The following ANO10 variants were observed in gnomAD, a reference collection of about 807,000 sequenced individuals.
ANO10 encodes the protein anoctamin 10.
ANO10 carries 77 observed loss-of-function variants against 74.7 expected under a neutral mutation model. The ratio of observed to expected loss-of-function variants is 1.03; its 90% CI spans 0.86 to 1.25. The LOEUF (loss-of-function observed/expected upper bound fraction) is 1.25. Ranked by LOEUF, ANO10 falls within the 50% of genes most tolerant of loss-of-function variation. The pLI, the probability that ANO10 is intolerant of heterozygous loss-of-function variation, is 0.00. For missense variants in ANO10, 721 were observed against 778.1 expected (o/e 0.93, Z 0.87); for synonymous variants, 279 against 284.9 (o/e 0.98, Z 0.21).
At chr3:43,679,467 C>G (rs1022283743) in intron 1 of ANO10, among the ~76,000 whole-genome samples, 1 of 152,300 alleles carries the variant, frequency 6.6e-6, no homozygotes, top group Non-Finnish European at 1.5e-5. Flanking sequence ...TAGAGCCCAC[C>G]ACAGCTCAAG....
chr3:43,600,656 T>C (rs2082301043), intron 2 of ANO10, 75 bp from the exon 3 acceptor site: 3 of 1,257,688 alleles, frequency 2.4e-6, no homozygotes, highest in Non-Finnish European at 3.4e-6. Context: ...TAAATAAATA[T>C]AATGTTTCTA....
intron 12 of ANO10, among the ~76,000 whole-genome samples, chr3:43,425,033 G>A (rs1208762420): frequency 6.6e-6 from 1 of 152,052 alleles, no homozygotes; most frequent in Non-Finnish European, 1.5e-5. Context: ...GTGGCTATTG[G>A]CTTTGTTAGA....
At chr3:43,607,595 A>T (rs1009145679) in intron 1 of ANO10, among the ~76,000 whole-genome samples, 1 of 152,206 alleles carries the variant, frequency 6.6e-6, no homozygotes. Flanking sequence ...ATAATAGTGA[A>T]GGAGAATTAG....
At chr3:43,507,349 C>T (rs933136343) in intron 11 of ANO10, among the ~76,000 whole-genome samples, 11 of 151,974 alleles carry the variant, frequency 7.2e-5, no homozygotes, top group African/African-American at 2.7e-4. Flanking sequence ...AAGTGTTCAG[C>T]GAGGCTCAGG....
intron 11 of ANO10, among the ~76,000 whole-genome samples, chr3:43,515,987 C>T (rs954185989): frequency 1.3e-5 from 2 of 152,132 alleles, no homozygotes; most frequent in Admixed American, 6.5e-5. Context: ...CTCAAAACGA[C>T]GTAGAGAGGC....
intron 1 of ANO10, among the ~76,000 whole-genome samples, chr3:43,628,521 G>A (rs1193500114): frequency 6.6e-6 from 1 of 152,136 alleles, no homozygotes; most frequent in African/African-American, 2.4e-5. Flanking sequence ...CTTGAAAAAA[G>A]AACAGGATAA....
At chr3:43,411,114 T>C (rs755888077) in intron 12 of ANO10, among the ~76,000 whole-genome samples, 4 of 152,156 alleles carry the variant, frequency 2.6e-5, no homozygotes, top group Non-Finnish European at 5.9e-5. Flanking sequence ...GTCTACAGCC[T>C]TAGGCATTAT....
intron 11 of ANO10, among the ~76,000 whole-genome samples, chr3:43,459,307 T>A (rs2075278967): frequency 6.6e-6 from 1 of 152,132 alleles, no homozygotes; most frequent in South Asian, 2.1e-4. Context: ...GTGCTCAGAT[T>A]CCATTTCTAC....
chr3:43,391,770 C>T (rs2092279942), intron 12 of ANO10, among the ~76,000 whole-genome samples: 1 of 152,136 alleles, frequency 6.6e-6, no homozygotes. Flanking sequence ...GAAATGGATC[C>T]TCCCTAAGGT....
chr3:43,425,841 G>A (rs1277531553), intron 12 of ANO10, among the ~76,000 whole-genome samples: 1 of 152,176 alleles, frequency 6.6e-6, no homozygotes, highest in Non-Finnish European at 1.5e-5. Flanking sequence ...TGCGTCTGTA[G>A]AGAATATCCA....
chr3:43,644,084 T>TTTTGTTTG (rs377459865), intron 1 of ANO10, among the ~76,000 whole-genome samples: 9 of 152,060 alleles, frequency 5.9e-5, no homozygotes, highest in African/African-American at 1.5e-4. Context: ...TCCCTGATTT[T>TTTTGTTTG]TTTGTTTGTT....
At chr3:43,588,415 G>T (rs1055598404) in intron 4 of ANO10, among the ~76,000 whole-genome samples, 5 of 151,872 alleles carry the variant, frequency 3.3e-5, no homozygotes, top group African/African-American at 9.7e-5. Context: ...TGGGAAAAAA[G>T]ATGGCATAGC....
At chr3:43,537,899 T>G (rs1325908532) in intron 11 of ANO10, among the ~76,000 whole-genome samples, 1 of 152,118 alleles carries the variant, frequency 6.6e-6, no homozygotes. Flanking sequence ...TAATCCAGTC[T>G]TAGCCACATG....
chr3:43,537,275 C>A (rs1236344510), intron 11 of ANO10, among the ~76,000 whole-genome samples: 3 of 152,140 alleles, frequency 2.0e-5, no homozygotes, highest in African/African-American at 7.2e-5. Flanking sequence ...CCTTTTCCAG[C>A]ATAAAAGAAT....
intron 11 of ANO10, among the ~76,000 whole-genome samples, chr3:43,508,759 A>G (rs1240870102): frequency 6.6e-6 from 1 of 151,262 alleles, no homozygotes; most frequent in African/African-American, 2.4e-5. Context: ...ACACCTGGAC[A>G]CAGGAAGGGG....
At chr3:43,535,985 T>C (rs2078693319) in intron 11 of ANO10, among the ~76,000 whole-genome samples, 1 of 152,210 alleles carries the variant, frequency 6.6e-6, no homozygotes, top group African/African-American at 2.4e-5. Context: ...TACTGACAAA[T>C]GTTTGTTATC....
chr3:43,581,146 T>G (rs1335901931), intron 4 of ANO10, among the ~76,000 whole-genome samples: 1 of 152,240 alleles, frequency 6.6e-6, no homozygotes. Flanking sequence ...ATTATAAAAT[T>G]GTCTCCAGAA....
Position 43,576,839 on chromosome 3 carries a change from T to C in ANO10, c.1015A>G (p.Met339Val). ...TGTAGACCCAAGGCCCAAACCTCCA[T>C]GTCGAAGTAAATCATCATGACATAC... is the stretch of plus-strand genomic sequence containing the variant. Reference protein sequence around the residue: ...SLYVMMIYFDMEVWALGLHEN... With the variant: ...SLYVMMIYFDVEVWALGLHEN... The change falls in exon 6 of 13, where the codon ATG becomes GTG. Residue 339 changes from methionine (M) to valine (V), a missense_variant. Coordinates refer to ENST00000292246, the MANE Select transcript of ANO10 (RefSeq NM_018075.5). 1.9e-6 allele frequency: 3 copies of C among 1,614,136 alleles called. No individual in the cohort carries two copies. Among genetic ancestry groups the C allele is most frequent in the Non-Finnish European group, 2.5e-6 (3 of 1,180,020 alleles).
At chr3:43,592,137 G>C (rs1401491493) in intron 4 of ANO10, among the ~76,000 whole-genome samples, 1 of 152,228 alleles carries the variant, frequency 6.6e-6, no homozygotes, top group Non-Finnish European at 1.5e-5. Flanking sequence ...AGCTCAAGGA[G>C]GCCTGCCAGC....
Sources: allele counts gnomAD v4.1 joint callset (sites outside exome capture counted in the v4.1 genomes callset), GRCh38; gene constraint gnomAD v4.1.1; transcripts MANE v1.5; gene names NCBI Gene and HGNC (gene_info 2026-07-23, HGNC 2026-07-21).